Variants in AAK1 observed in about 807,000 individuals in gnomAD.
AAK1 encodes AP2 associated kinase 1, also known as AP2-associated protein kinase 1.
In AAK1, 37 loss-of-function variants were observed where a neutral mutation model predicts 116.0. The ratio of observed to expected loss-of-function variants is 0.32; its 90% CI spans 0.25 to 0.42. AAK1 has a LOEUF of 0.42. Among genes scored for constraint, AAK1 ranks in the 10% least tolerant of loss-of-function variants. AAK1 has a pLI of 1.00. For synonymous variants in AAK1, 458 were observed against 439.9 expected, an observed-to-expected ratio of 1.04 and a Z score of -0.51; for missense variants, 919 against 1,170.6, an observed-to-expected ratio of 0.79 and a Z score of 3.14.
chr2:69,463,846 C>A lies in AAK1; in HGVS notation c.*12023G>T, dbSNP rs964228225. On this transcript the variant is annotated 3_prime_UTR_variant, in exon 22 of 22. Coordinates refer to ENST00000409085, the MANE Select transcript of AAK1 (RefSeq NM_014911.5). ...TTTATTTTTTGAAGGGACAGGGTCT[C>A]GCTGTGTTGCCAGAGTTGGTCTTGA... 1.3e-5 allele frequency: 2 copies of A among 152,220 alleles called. No homozygotes were observed. Among genetic ancestry groups the A allele is most frequent in the African/African-American group, 4.8e-5 (2 of 41,380 alleles). 9.4% of individuals were successfully genotyped at this position (152,220 alleles called of 1,614,324 possible).
rs1397437628 is a variant in AAK1 at position 69,643,053 on chromosome 2, G to GA, written c.-14dup. On this transcript the variant is annotated 5_prime_UTR_variant, in exon 2 of 22. Transcript: ENST00000409085. ...AAAACTTCTTCATCTTGCGAATAGG[G>GA]AGCAGCAAAGCAAAATACCGATGGT... 6.3e-7 allele frequency: 1 copy of GA among 1,575,988 alleles called. No homozygotes were observed. Among genetic ancestry groups the GA allele is most frequent in the Non-Finnish European group, 8.6e-7 (1 of 1,164,186 alleles).
At position 69,532,121 on chromosome 2, in the gene AAK1, C is replaced by A; in HGVS notation, c.576G>T (p.Leu192=). The A allele has an allele frequency of 1.2e-6, 2 of 1,613,696 alleles. No homozygotes were observed. The highest frequency in any genetic ancestry group is 1.7e-6 in the Non-Finnish European group (2 of 1,179,652). Residue 192 remains leucine (L), a synonymous_variant, in exon 6 of 22, where the codon CTG becomes CTT. Transcript: ENST00000409085. ...TGTTGGTGGCGCTTCCAAAGTCACA[C>A]AGGACATAGTGGCCTCGGTCATGCA... ...ILLHDRGHYV[L]CDFGSATNKF...
intron 2 of AAK1, among the ~76,000 whole-genome samples, chr2:69,622,133 G>A (rs1162858573): frequency 2.0e-5 from 3 of 152,230 alleles, no homozygotes; most frequent in East Asian, 3.8e-4. Flanking sequence ...GTGGGCCAGC[G>A]CCAGTTCCAG....
intron 5 of AAK1, 102 bp downstream of exon 5, chr2:69,542,421 A>AT: frequency 7.2e-7 from 1 of 1,385,600 alleles, no homozygotes; most frequent in Non-Finnish European, 9.9e-7. Context: ...AACAGGGACC[A>AT]TATCTTAAAT....
At chr2:69,563,502 T>C (rs1463951260) in intron 2 of AAK1, among the ~76,000 whole-genome samples, 2 of 152,180 alleles carry the variant, frequency 1.3e-5, no homozygotes, top group East Asian at 1.9e-4. Flanking sequence ...AATCACCAAC[T>C]GTTTATTTCT....
At chr2:69,534,997 C>T (rs1670404019) in intron 5 of AAK1, among the ~76,000 whole-genome samples, 1 of 152,216 alleles carries the variant, frequency 6.6e-6, no homozygotes, top group Non-Finnish European at 1.5e-5. Context: ...AACACCTTGT[C>T]CAGTGCTGTA....
At chr2:69,497,645 G>A (rs531806210) in intron 16 of AAK1, among the ~76,000 whole-genome samples, 7 of 151,186 alleles carry the variant, frequency 4.6e-5, no homozygotes, top group East Asian at 1.9e-4. Context: ...CAGTTTGTTC[G>A]TTAATTAAAA....
chr2:69,492,437 C>A (rs555265860), intron 17 of AAK1, among the ~76,000 whole-genome samples: 2 of 151,954 alleles, frequency 1.3e-5, no homozygotes, highest in South Asian at 4.2e-4. Context: ...TGGCCTCGAA[C>A]GCCTGACCTC....
In AAK1 at chr2:69,496,253, T is replaced by A. The variant is rs924705135; in HGVS notation, c.2270-173A>T. Among the ~76,000 whole-genome samples the A allele has an allele frequency of 2.0e-5, 3 of 150,440 alleles. No individual in the cohort carries two copies. In the South Asian group the frequency reaches 6.3e-4, roughly 31 times the overall value. ...AGCTCAGTGAACAGCAAAGTATCTATGAGATACTCAATCTGGCCCGTTTTT... is the reference window on the plus strand; with the variant it reads ...AGCTCAGTGAACAGCAAAGTATCTAAGAGATACTCAATCTGGCCCGTTTTT... On this transcript the variant is annotated intron_variant, in intron 16 of 21. Transcript: ENST00000409085.
At chr2:69,572,620 TA>T (rs768419313) in intron 2 of AAK1, among the ~76,000 whole-genome samples, 26,057 of 106,884 alleles carry the variant, frequency 0.24, 2,824 homozygotes, top group East Asian at 0.48. Flanking sequence ...ACTCTGTCTT[TA>T]AAAAAAAAAA....
At chr2:69,552,845 A>G (rs1005769579) in intron 3 of AAK1, among the ~76,000 whole-genome samples, 3 of 152,178 alleles carry the variant, frequency 2.0e-5, no homozygotes, top group African/African-American at 7.2e-5. Flanking sequence ...CAATCCATAA[A>G]AAGAACAATT....
chr2:69,623,413 G>A lies in AAK1; in HGVS notation c.163+19465C>T, dbSNP rs149875067. ...ACTCAGACCTGGCAGTCTTGAACCT[G>A]GATCATGTCAACAGCCTCGTAGATG... On this transcript the variant is annotated intron_variant, in intron 2 of 21. Transcript: ENST00000409085. Among the ~76,000 whole-genome samples, 594 of 152,260 alleles carry A rather than the reference G, an allele frequency of 3.9e-3. 5 individuals are homozygous for A. Among genetic ancestry groups the A allele is most frequent in the African/African-American group, 0.014 (568 of 41,546 alleles).
intron 5 of AAK1, among the ~76,000 whole-genome samples, chr2:69,536,389 C>G (rs921613860): frequency 2.0e-5 from 3 of 152,084 alleles, no homozygotes; most frequent in African/African-American, 2.4e-5. Context: ...GCAGGTACAA[C>G]AGTCTGGGTG....
intron 6 of AAK1, among the ~76,000 whole-genome samples, chr2:69,531,377 T>G (rs1195342948): frequency 6.6e-6 from 1 of 152,130 alleles, no homozygotes; most frequent in Non-Finnish European, 1.5e-5. Context: ...CATGGTTGTC[T>G]GGGGTGACGC....
intron 12 of AAK1, chr2:69,516,915 G>A (rs933992472): frequency 1.3e-5 from 2 of 152,212 alleles, no homozygotes; most frequent in Admixed American, 6.6e-5. Context: ...GGGACCAGTA[G>A]CCTAAGGAGG....
intron 2 of AAK1, among the ~76,000 whole-genome samples, chr2:69,582,649 C>T (rs376869773): frequency 6.1e-4 from 93 of 152,276 alleles, no homozygotes; most frequent in African/African-American, 2.2e-3. Flanking sequence ...CTCTTGCCAG[C>T]TGTCTGCTCA....
chr2:69,614,755 G>C (rs1674248068), intron 2 of AAK1, among the ~76,000 whole-genome samples: 1 of 152,150 alleles, frequency 6.6e-6, no homozygotes, highest in Non-Finnish European at 1.5e-5. Context: ...TATGCTGGCA[G>C]ACCCTAAATC....
intron 14 of AAK1, 62 bp from the exon 15 acceptor site, chr2:69,507,640 T>A: frequency 7.2e-7 from 1 of 1,395,256 alleles, no homozygotes; most frequent in Non-Finnish European, 9.6e-7. Context: ...ACAAAAAGGG[T>A]CAACTTATTT....
Position 69,473,929 on chromosome 2 carries a change from G to A in AAK1, c.*1940C>T, listed in dbSNP as rs1674761081. The stretch of plus-strand genomic sequence containing the variant: ...GCTATCCAACCACAGAGAGCCCTTC[G>A]TGGATATCTTTTGCTTTTTAATCCT... On this transcript the variant is annotated 3_prime_UTR_variant, in exon 22 of 22. Coordinates refer to ENST00000409085, the MANE Select transcript of AAK1 (RefSeq NM_014911.5). The A allele has an allele frequency of 1.0e-5, 10 of 985,726 alleles. No individual in the cohort carries two copies. Among genetic ancestry groups the A allele is most frequent in the African/African-American group, 1.7e-5 (1 of 57,310 alleles). 61.1% of individuals were successfully genotyped at this position (985,726 alleles called of 1,614,324 possible).
Sources: gnomAD v4.1 joint callset for allele counts (sites outside exome capture counted in the v4.1 genomes callset) on GRCh38, gnomAD v4.1.1 for gene constraint, MANE v1.5 for transcripts, NCBI Gene and HGNC (gene_info 2026-07-23, HGNC 2026-07-21) for gene names.